The following GMDS variants were observed in gnomAD, a reference collection of about 807,000 sequenced individuals.
GMDS encodes the protein GDP-mannose 4,6-dehydratase, also known as GDP-mannose 4,6 dehydratase.
A neutral mutation model predicts 49.9 loss-of-function variants in GMDS; 20 were observed. The ratio of observed to expected loss-of-function variants is 0.40; its 90% CI spans 0.28 to 0.58. The LOEUF is 0.58. Ranked by LOEUF, GMDS falls within the 20% of genes least tolerant of loss-of-function variation. The pLI, the probability that GMDS is intolerant of heterozygous loss-of-function variation, is 0.42. For synonymous variants in GMDS, 177 were observed against 178.6 expected, an observed-to-expected ratio of 0.99 and a Z score of 0.07; for missense variants, 362 against 481.4, an observed-to-expected ratio of 0.75 and a Z score of 2.32.
At chr6:2,216,017 T>G (rs1215400970) in intron 1 of GMDS, among the ~76,000 whole-genome samples, 3 of 152,198 alleles carry the variant, frequency 2.0e-5, no homozygotes, top group Non-Finnish European at 4.4e-5. Context: ...GAAATAAATT[T>G]GTCTATGAGT....
intron 4 of GMDS, among the ~76,000 whole-genome samples, chr6:1,971,367 T>G (rs924700182): frequency 6.6e-6 from 1 of 152,204 alleles, no homozygotes; most frequent in African/African-American, 2.4e-5. Flanking sequence ...TGTATGATTT[T>G]TCCTTATTCT....
chr6:2,231,629 A>C (rs570715852), intron 1 of GMDS, among the ~76,000 whole-genome samples: 13 of 152,222 alleles, frequency 8.5e-5, no homozygotes, highest in Admixed American at 4.6e-4. Flanking sequence ...AATCTGAAAC[A>C]ACCAACAAAC....
chr6:1,819,444 A>G (rs1770797240), intron 7 of GMDS, among the ~76,000 whole-genome samples: 1 of 152,028 alleles, frequency 6.6e-6, no homozygotes, highest in South Asian at 2.1e-4. Flanking sequence ...TCTTTGAAAG[A>G]TATTTCTTTA....
intron 4 of GMDS, among the ~76,000 whole-genome samples, chr6:2,066,143 C>G (rs958344348): frequency 2.6e-5 from 4 of 151,704 alleles, no homozygotes; most frequent in African/African-American, 9.7e-5. Context: ...GAATTTTCAA[C>G]CCAGAATTTC....
chr6:1,843,284 T>C (rs1757228797), intron 7 of GMDS, among the ~76,000 whole-genome samples: 1 of 152,108 alleles, frequency 6.6e-6, no homozygotes, highest in Admixed American at 6.5e-5. Flanking sequence ...TGGCAGTAGG[T>C]GCTGGTCTCA....
chr6:2,044,552 G>A (rs1360612477), intron 4 of GMDS, among the ~76,000 whole-genome samples: 1 of 152,078 alleles, frequency 6.6e-6, no homozygotes, highest in Non-Finnish European at 1.5e-5. Flanking sequence ...ACAGACACTG[G>A]GGCTTCCCAG....
At chr6:1,878,672 T>C (rs556728487) in intron 7 of GMDS, among the ~76,000 whole-genome samples, 3 of 152,326 alleles carry the variant, frequency 2.0e-5, no homozygotes, top group Admixed American at 6.5e-5. Context: ...AATTATTTAA[T>C]ACCTAAAAAT....
intron 1 of GMDS, among the ~76,000 whole-genome samples, chr6:2,130,741 T>C (rs1314169628): frequency 1.3e-5 from 2 of 152,084 alleles, no homozygotes; most frequent in Non-Finnish European, 2.9e-5. Flanking sequence ...GTTATGTCCA[T>C]GATTAGTTTG....
At chr6:1,924,751 C>T (rs967471007) in intron 7 of GMDS, among the ~76,000 whole-genome samples, 1 of 152,156 alleles carries the variant, frequency 6.6e-6, no homozygotes, top group African/African-American at 2.4e-5. Context: ...TGCTATAATC[C>T]TGACTGCTGG....
chr6:2,125,043 A>T (rs1156255294), intron 1 of GMDS, among the ~76,000 whole-genome samples: 1 of 152,232 alleles, frequency 6.6e-6, no homozygotes, highest in Non-Finnish European at 1.5e-5. Flanking sequence ...AGGTTTTGCC[A>T]CTTACCAGTT....
chr6:1,770,803 T>C (rs1490799524), intron 7 of GMDS, among the ~76,000 whole-genome samples: 1 of 152,228 alleles, frequency 6.6e-6, no homozygotes, highest in Non-Finnish European at 1.5e-5. Flanking sequence ...GGAGTCTGCA[T>C]ACCAAAAGCA....
chr6:1,818,903 C>T (rs939932282), intron 7 of GMDS, among the ~76,000 whole-genome samples: 1 of 151,988 alleles, frequency 6.6e-6, no homozygotes, highest in Non-Finnish European at 1.5e-5. Context: ...AGAGATAATA[C>T]CACTCACCTT....
chr6:1,954,362 T>G (rs1763519722), intron 6 of GMDS, among the ~76,000 whole-genome samples: 1 of 152,230 alleles, frequency 6.6e-6, no homozygotes, highest in South Asian at 2.1e-4. Flanking sequence ...TGCTAAAGGC[T>G]GGAGCGGCTG....
At position 1,783,550 on chromosome 6, in the gene GMDS, T is replaced by A. The variant is rs190784333; in HGVS notation, c.772-40964A>T. 3.8e-3 allele frequency among the ~76,000 whole-genome samples: 573 copies of A among 152,332 alleles called. 3 individuals carry two copies. Among genetic ancestry groups the A allele is most frequent in the African/African-American group, 0.013 (545 of 41,574 alleles). Reference sequence around the variant, plus strand: ...GGAGGAGCACGATTCTCTTATTGTTTGCAATATAGAATCTGAATAAAATTA... The same window carrying A: ...GGAGGAGCACGATTCTCTTATTGTTAGCAATATAGAATCTGAATAAAATTA... On this transcript the variant is annotated intron_variant, in intron 7 of 10. Transcript: ENST00000380815.
At chr6:1,806,551 T>A (rs1770187147) in intron 7 of GMDS, among the ~76,000 whole-genome samples, 1 of 152,128 alleles carries the variant, frequency 6.6e-6, no homozygotes. Flanking sequence ...AATCGGGGCT[T>A]AAACATTGTT....
intron 9 of GMDS, among the ~76,000 whole-genome samples, chr6:1,667,704 C>CT (rs1204288229): frequency 0.013 from 1,530 of 121,654 alleles, 26 homozygotes; most frequent in African/African-American, 0.04. Flanking sequence ...ATTTTTTTTT[C>CT]TTTTTTTTTT....
At chr6:1,896,102 G>A (rs2113849491) in intron 7 of GMDS, among the ~76,000 whole-genome samples, 1 of 152,250 alleles carries the variant, frequency 6.6e-6, no homozygotes, top group Non-Finnish European at 1.5e-5. Flanking sequence ...CTTGGCTTGA[G>A]GATGATTATG....
chr6:2,134,001 G>C (rs541122370), intron 1 of GMDS, among the ~76,000 whole-genome samples: 116 of 152,284 alleles, frequency 7.6e-4, no homozygotes, highest in Non-Finnish European at 1.2e-3. Flanking sequence ...GCTATATTGT[G>C]TATTTCGGTT....
intron 7 of GMDS, among the ~76,000 whole-genome samples, chr6:1,916,509 G>A (rs1761407670): frequency 6.6e-6 from 1 of 151,938 alleles, no homozygotes; most frequent in Non-Finnish European, 1.5e-5. Flanking sequence ...AAGAGAGGTA[G>A]GGATGAACAG....
Sources: gnomAD v4.1 joint callset for allele counts (sites outside exome capture counted in the v4.1 genomes callset) on GRCh38, gnomAD v4.1.1 for gene constraint, MANE v1.5 for transcripts, NCBI Gene and HGNC (gene_info 2026-07-23, HGNC 2026-07-21) for gene names.